The following ARFGEF1 variants were observed in gnomAD, a reference collection of about 807,000 sequenced individuals.
ARFGEF1 encodes the protein brefeldin A-inhibited guanine nucleotide-exchange protein 1.
ARFGEF1 carries 42 observed loss-of-function variants against 231.0 expected under a neutral mutation model. That is an observed-to-expected ratio of 0.18 (90% CI 0.14 to 0.24). ARFGEF1 has a LOEUF of 0.24. ARFGEF1 is among the 10% of genes least tolerant of loss of function. ARFGEF1 has a pLI of 1.00. For missense variants in ARFGEF1, 1,345 were observed against 2,192.0 expected, an observed-to-expected ratio of 0.61 and a Z score of 7.72; for synonymous variants, 710 against 732.3, an observed-to-expected ratio of 0.97 and a Z score of 0.49.
chr8:67,185,772 C>G (rs1377484165), intron 5 of ARFGEF1, among the ~76,000 whole-genome samples: 4 of 151,964 alleles, frequency 2.6e-5, no homozygotes, highest in Non-Finnish European at 5.9e-5. Flanking sequence ...GATGAGGAAG[C>G]TGAAGAAAAA....
At chr8:67,261,630 G>T (rs1804624046) in intron 14 of ARFGEF1, among the ~76,000 whole-genome samples, 1 of 152,140 alleles carries the variant, frequency 6.6e-6, no homozygotes, top group Non-Finnish European at 1.5e-5. Flanking sequence ...TTGTTTTCAT[G>T]CCTGCTAACA....
chr8:67,313,986 T>C (rs955933252), intron 1 of ARFGEF1, among the ~76,000 whole-genome samples: 2 of 151,942 alleles, frequency 1.3e-5, no homozygotes, highest in African/African-American at 4.8e-5. Flanking sequence ...TCACTGGAGT[T>C]GTGTATCTAG....
At chr8:67,236,349 T>TTA (rs1468178393) in intron 22 of ARFGEF1, among the ~76,000 whole-genome samples, 14 of 13,962 alleles carry the variant, frequency 1.0e-3, no homozygotes, top group African/African-American at 3.3e-3. Context: ...AGATATTAGT[T>TTA]AAAAAAAAAA....
intron 9 of ARFGEF1, among the ~76,000 whole-genome samples, chr8:67,275,087 G>T (rs1317546617): frequency 6.6e-6 from 1 of 151,998 alleles, no homozygotes; most frequent in African/African-American, 2.4e-5. Context: ...TGCTCAGCTG[G>T]CACTCAGAAA....
At chr8:67,289,068 C>T (rs1805886468) in intron 6 of ARFGEF1, among the ~76,000 whole-genome samples, 2 of 152,044 alleles carry the variant, frequency 1.3e-5, no homozygotes, top group African/African-American at 4.8e-5. Context: ...CAGTCTATTG[C>T]AGAGAAAAAT....
chr8:67,206,411 A>T (rs1333043204), intron 34 of ARFGEF1, among the ~76,000 whole-genome samples: 17 of 116,846 alleles, frequency 1.5e-4, no homozygotes, highest in Non-Finnish European at 1.5e-4. Context: ...TTTTATCTTT[A>T]AAAAAAAAAA....
At chr8:67,279,115 A>T (rs890924175) in intron 7 of ARFGEF1, among the ~76,000 whole-genome samples, 5 of 152,114 alleles carry the variant, frequency 3.3e-5, no homozygotes, top group Admixed American at 6.5e-5. Context: ...AATTTTTTTT[A>T]AAAAAAGAAT....
At chr8:67,237,192 T>C in intron 22 of ARFGEF1, among the ~76,000 whole-genome samples, 1 of 152,228 alleles carries the variant, frequency 6.6e-6, no homozygotes, top group Non-Finnish European at 1.5e-5. Flanking sequence ...ATTACAGTTC[T>C]AATGTATAAA....
At chr8:67,188,855 C>G (rs1158785676) in intron 5 of ARFGEF1, among the ~76,000 whole-genome samples, 2 of 152,184 alleles carry the variant, frequency 1.3e-5, no homozygotes, top group Non-Finnish European at 2.9e-5. Flanking sequence ...TCACTGGGTT[C>G]CACGGTTCTC....
Position 67,253,502 on chromosome 8 carries a change from A to T in ARFGEF1, c.2647T>A (p.Ser883Thr). The change falls in exon 18 of 39, where the codon TCA (serine) becomes ACA (threonine). Residue 883 changes from serine to threonine, a missense_variant. By Grantham distance (58) the Ser-to-Thr change is moderately conservative (BLOSUM62 1). Around this residue, in one of 14 missense-constraint regions of ARFGEF1, gnomAD observed 23 missense variants for 21.6 expected, o/e 1.07. Coordinates refer to ENST00000262215, the MANE Select transcript of ARFGEF1 (RefSeq NM_006421.5). The stretch of plus-strand genomic sequence containing the variant: ...GTTAGTTCTTTTGTTTCTTTCATTG[A>T]TATCTTTTTCCCAGCTATTTCATTA... ...IYNEIAGKKI[S>T]MKETKELTIP... The T allele has an allele frequency of 6.3e-7, 1 of 1,587,088 alleles. No individual in the cohort carries two copies. The highest frequency in any genetic ancestry group is 8.6e-7 in the Non-Finnish European group (1 of 1,157,220).
chr8:67,193,905 A>T (rs1837132154), downstream of ARFGEF1, among the ~76,000 whole-genome samples: 2 of 152,374 alleles, frequency 1.3e-5, no homozygotes, highest in East Asian at 3.8e-4. Flanking sequence ...GATAATAGTA[A>T]TCACTTTACT....
At chr8:67,313,843 C>T (rs1004389578) in intron 1 of ARFGEF1, among the ~76,000 whole-genome samples, 2 of 152,142 alleles carry the variant, frequency 1.3e-5, no homozygotes, top group African/African-American at 4.8e-5. Flanking sequence ...ACACCTCACC[C>T]TTTGTTTTAC....
chr8:67,222,216 T>TATATATATACACACAC (rs1839208543), intron 29 of ARFGEF1, among the ~76,000 whole-genome samples: 3 of 125,164 alleles, frequency 2.4e-5, no homozygotes, highest in African/African-American at 6.2e-5. Flanking sequence ...CACACACATA[T>TATATATATACACACAC]ATATATATGT....
At chr8:67,270,515 C>A (rs1805031773) in intron 10 of ARFGEF1, among the ~76,000 whole-genome samples, 1 of 151,824 alleles carries the variant, frequency 6.6e-6, no homozygotes, top group Non-Finnish European at 1.5e-5. Flanking sequence ...TAAAATATAA[C>A]CTGTATATCA....
chr8:67,266,484 G>A (rs995100042), intron 13 of ARFGEF1, among the ~76,000 whole-genome samples: 2 of 152,086 alleles, frequency 1.3e-5, no homozygotes, highest in East Asian at 1.9e-4. Flanking sequence ...TCCTCATGAG[G>A]AATTGTTTTC....
rs181230591 is a variant in ARFGEF1 at position 67,182,349 on chromosome 8, T to C, written c.561-6777A>G. Among the ~76,000 whole-genome samples, 987 of 152,176 alleles carry C rather than the reference T, an allele frequency of 6.5e-3. 7 individuals carry two copies. The highest frequency in any genetic ancestry group is 0.023 in the African/African-American group (944 of 41,520). On this transcript the variant is annotated intron_variant, in intron 5 of 5. Transcript: ENST00000518789. ...TTTTTATGCTGTGAATAATATTCCA[T>C]TGTATGTGTGTACCACGTTTTGTTT...
chr8:67,290,197 G>C (rs1805947505), intron 6 of ARFGEF1, among the ~76,000 whole-genome samples: 1 of 152,148 alleles, frequency 6.6e-6, no homozygotes, highest in Non-Finnish European at 1.5e-5. Context: ...AGGAAACTAT[G>C]TCTTTCTAAC....
At chr8:67,343,105 G>GGCCCC in intron 1 of ARFGEF1, 59 bp downstream of exon 1, 2 of 483,912 alleles carry the variant, frequency 4.1e-6, no homozygotes, top group Non-Finnish European at 6.3e-6. Flanking sequence ...CCCCCCACAG[G>GGCCCC]CGCCCCCCTC....
At chr8:67,251,250 G>C (rs1451201517) in intron 19 of ARFGEF1, 49 bp downstream of exon 19, 4 of 1,478,418 alleles carry the variant, frequency 2.7e-6, no homozygotes, top group Non-Finnish European at 3.6e-6. Context: ...TATAAATGTA[G>C]TTATATATAA....
Sources: gnomAD v4.1 joint callset for allele counts (sites outside exome capture counted in the v4.1 genomes callset) on GRCh38, gnomAD v4.1.1 for gene constraint, gnomAD v4.1.1 regional missense constraint, MANE v1.5 for transcripts, NCBI Gene and HGNC (gene_info 2026-07-23, HGNC 2026-07-21) for gene names.